Variants in RPH3AL observed in about 807,000 individuals in gnomAD.
RPH3AL encodes rabphilin 3A like (without C2 domains), also known as rab effector Noc2.
A neutral mutation model predicts 43.1 loss-of-function variants in RPH3AL; 38 were observed. The observed-to-expected ratio is 0.88, with a 90% confidence interval of 0.68 to 1.15. RPH3AL has a LOEUF of 1.15. Among genes scored for constraint, RPH3AL ranks in the 50% most tolerant of loss-of-function variants. The pLI, the probability that RPH3AL is intolerant of heterozygous loss-of-function variation, is 0.00. For synonymous variants in RPH3AL, 189 were observed against 176.3 expected, an observed-to-expected ratio of 1.07 and a Z score of -0.57; for missense variants, 462 against 423.2, an observed-to-expected ratio of 1.09 and a Z score of -0.81.
At chr17:335,499 C>T (rs552307280) in intron 1 of RPH3AL, among the ~76,000 whole-genome samples, 141 of 152,218 alleles carry the variant, frequency 9.3e-4, no homozygotes, top group African/African-American at 3.2e-3. Flanking sequence ...ACCGCCCGGC[C>T]GGCCCGTAGA....
rs79420241 is a variant in RPH3AL at position 343,201 on chromosome 17, G to A, written c.-212-9267C>T. Among the ~76,000 whole-genome samples, 38 of 152,328 alleles carry A rather than the reference G, an allele frequency of 2.5e-4. No homozygotes were observed. In the East Asian group the frequency reaches 6.8e-3, roughly 27 times the overall value. The stretch of plus-strand genomic sequence containing the variant: ...CAGGTGTCCACAGGCGACACACCAG[G>A]TGACATGGCTGCCTCAGGGAAGCAG... On this transcript the variant is annotated intron_variant, in intron 1 of 9. Transcript: ENST00000331302.
rs190508046 is a variant in RPH3AL at position 322,074 on chromosome 17, G to A, written c.78-659C>T. Among the ~76,000 whole-genome samples the A allele has an allele frequency of 4.0e-3, 603 of 152,058 alleles. 2 individuals carry two copies. The highest frequency in any genetic ancestry group is 0.013 in the African/African-American group (545 of 41,414). ...CTTTGAAAACTAGCAGGTTCGAGGC[G>A]GGGGGGAAGCGAGTTACAGAAGAGG... On this transcript the variant is annotated intron_variant, in intron 3 of 9. Coordinates refer to ENST00000331302, the MANE Select transcript of RPH3AL (RefSeq NM_006987.4). The surrounding 1 kb of genome is among the most constrained non-coding windows in gnomAD (Gnocchi z 4.0).
intron 5 of RPH3AL, among the ~76,000 whole-genome samples, chr17:310,906 C>A (rs1349295454): frequency 4.6e-5 from 7 of 152,166 alleles, no homozygotes; most frequent in Admixed American, 3.9e-4. Flanking sequence ...GGCCACCACC[C>A]CCTACAGCAG....
At chr17:262,485 A>G (rs900594173) in intron 6 of RPH3AL, among the ~76,000 whole-genome samples, 11 of 149,980 alleles carry the variant, frequency 7.3e-5, no homozygotes, top group Non-Finnish European at 1.3e-4. Context: ...AAGTGCTGGG[A>G]TTACAGGCGT....
chr17:224,577 G>C (rs186708896), intron 7 of RPH3AL, among the ~76,000 whole-genome samples: 122 of 152,346 alleles, frequency 8.0e-4, no homozygotes, highest in African/African-American at 2.8e-3. Context: ...CAGGTTGTGA[G>C]GCTCCTTGAG....
chr17:275,626 C>T (rs1281111880), intron 6 of RPH3AL, among the ~76,000 whole-genome samples: 1 of 152,202 alleles, frequency 6.6e-6, no homozygotes, highest in East Asian at 1.9e-4. Context: ...CGGTTCACCG[C>T]AGCCTCGACC....
At chr17:231,925 A>C (rs949999020) in intron 7 of RPH3AL, among the ~76,000 whole-genome samples, 2 of 152,236 alleles carry the variant, frequency 1.3e-5, no homozygotes, top group African/African-American at 4.8e-5. Flanking sequence ...GGCCCACGAC[A>C]GGCAGGTGGG....
intron 7 of RPH3AL, among the ~76,000 whole-genome samples, chr17:229,932 A>T (rs977820416): frequency 2.6e-5 from 4 of 152,024 alleles, no homozygotes; most frequent in African/African-American, 9.7e-5. Context: ...TCCCTCCCTC[A>T]GGGACCCTGG....
rs1160190266 is a variant in RPH3AL at position 213,627 on chromosome 17, G to A, written c.*225C>T. 5.1e-6 allele frequency: 3 copies of A among 593,630 alleles called. No individual in the cohort carries two copies. The highest frequency in any genetic ancestry group is 2.9e-5 in the Admixed American group (1 of 34,206). 36.8% of individuals were successfully genotyped at this position (593,630 alleles called of 1,614,324 possible). A position where few individuals can be genotyped will look rare whatever the true frequency, so the allele number is the denominator to read the frequency against. On this transcript the variant is annotated 3_prime_UTR_variant, in exon 10 of 10. Transcript: ENST00000331302. ...AGGGGAGGGTAATAAATAAGGTCGG[G>A]GGCTGAGGGCAGTGGTTGGAGGGGG...
At chr17:267,484 C>G (rs943184065) in intron 6 of RPH3AL, among the ~76,000 whole-genome samples, 6 of 152,212 alleles carry the variant, frequency 3.9e-5, no homozygotes, top group Non-Finnish European at 5.9e-5. Flanking sequence ...GATTCAATTC[C>G]CAGGACAACA....
Position 333,858 on chromosome 17 carries a change from C to G in RPH3AL, c.-136G>C, listed in dbSNP as rs148627891. 3.4e-3 allele frequency: 524 copies of G among 154,064 alleles called. 10 individuals carry two copies. Among genetic ancestry groups the G allele is most frequent in the Admixed American group, 0.027 (432 of 15,744 alleles). 9.5% of individuals were successfully genotyped at this position (154,064 alleles called of 1,614,324 possible). Reference sequence around the variant, plus strand: ...CGTACAAGTGTCCACTACACAAATTCTGCTGGAGGCAGCTGTGTCTTGGTA... The same window carrying G: ...CGTACAAGTGTCCACTACACAAATTGTGCTGGAGGCAGCTGTGTCTTGGTA... On this transcript the variant is annotated 5_prime_UTR_variant, in exon 2 of 10. Transcript: ENST00000331302. The surrounding 1 kb of genome is among the most constrained non-coding windows in gnomAD (Gnocchi z 4.5).
intron 7 of RPH3AL, among the ~76,000 whole-genome samples, chr17:235,789 C>T (rs1320412438): frequency 6.9e-6 from 1 of 144,010 alleles, no homozygotes; most frequent in Admixed American, 7.1e-5. Context: ...TCCGCACTAA[C>T]AAGATGGATC....
intron 6 of RPH3AL, among the ~76,000 whole-genome samples, chr17:249,288 A>G (rs1201150420): frequency 6.6e-6 from 1 of 152,128 alleles, no homozygotes; most frequent in Non-Finnish European, 1.5e-5. Context: ...CTGAATCTGA[A>G]TCCTGGGTCT....
At chr17:268,147 G>A (rs968090978) in intron 6 of RPH3AL, among the ~76,000 whole-genome samples, 5 of 152,108 alleles carry the variant, frequency 3.3e-5, no homozygotes, top group Non-Finnish European at 7.3e-5. Context: ...GAACTGCACA[G>A]GCCCACTCCT....
At chr17:249,677 A>G (rs1426315650) in intron 6 of RPH3AL, among the ~76,000 whole-genome samples, 3 of 102,850 alleles carry the variant, frequency 2.9e-5, no homozygotes, top group African/African-American at 9.9e-5. Context: ...GAGTCAAGCC[A>G]AAAAAAAAAA....
At position 305,167 on chromosome 17, in the gene RPH3AL, G is replaced by A. The variant is rs545386408; in HGVS notation, c.351+14253C>T. Among the ~76,000 whole-genome samples, 485 of 150,868 alleles carry A rather than the reference G, an allele frequency of 3.2e-3. 4 individuals carry two copies. Among genetic ancestry groups the A allele is most frequent in the Non-Finnish European group, 5.4e-3 (364 of 67,494 alleles). ...GGGTGCTTAGGGTGGGCTCCGGGGCGTCTGCACCACCAGGCGCACAGCCCA... is the reference window on the plus strand; with the variant it reads ...GGGTGCTTAGGGTGGGCTCCGGGGCATCTGCACCACCAGGCGCACAGCCCA... On this transcript the variant is annotated intron_variant, in intron 5 of 9. Coordinates refer to ENST00000331302, the MANE Select transcript of RPH3AL (RefSeq NM_006987.4).
rs541981159 is a variant in RPH3AL at position 257,818 on chromosome 17, G to A, written c.439-10533C>T. Among the ~76,000 whole-genome samples the A allele has an allele frequency of 2.6e-4, 5 of 18,962 alleles. 1 individual carries two copies. Among genetic ancestry groups the A allele is most frequent in the Admixed American group, 8.6e-4 (2 of 2,332 alleles). The allele number at this position is 18,962 out of a possible 152,430, so 12.4% of individuals were successfully genotyped here. A position where few individuals can be genotyped will look rare whatever the true frequency, so the allele number is the denominator to read the frequency against. ...AGCCGCACGGTGTCTGTCCTGTTCT[G>A]TCCCTAGGAATGTGACTACCCTACG... is the stretch of plus-strand genomic sequence containing the variant. On this transcript the variant is annotated intron_variant, in intron 6 of 9. Coordinates refer to ENST00000331302, the MANE Select transcript of RPH3AL (RefSeq NM_006987.4).
chr17:241,585 G>A (rs1337934808), intron 7 of RPH3AL, among the ~76,000 whole-genome samples: 1 of 152,002 alleles, frequency 6.6e-6, no homozygotes, highest in Non-Finnish European at 1.5e-5. Flanking sequence ...AGAGTGTTGG[G>A]TAAGAGCCTA....
intron 7 of RPH3AL, among the ~76,000 whole-genome samples, chr17:223,529 G>A (rs2041039089): frequency 6.6e-6 from 1 of 152,222 alleles, no homozygotes; most frequent in Non-Finnish European, 1.5e-5. Flanking sequence ...TGAGCCGCTG[G>A]TGAGAGGTAA....
Sources: allele counts gnomAD v4.1 joint callset (sites outside exome capture counted in the v4.1 genomes callset), GRCh38; gene constraint gnomAD v4.1.1; non-coding constraint Gnocchi (gnomAD v3.1); transcripts MANE v1.5; gene names NCBI Gene and HGNC (gene_info 2026-07-23, HGNC 2026-07-21).